The following DYSF variants were observed in gnomAD, a reference collection of about 807,000 sequenced individuals.
DYSF encodes dysferlin, also known as dystrophy-associated fer-1-like 1.
Under a neutral mutation model 274.9 loss-of-function variants are expected in DYSF, and 212 were observed. That is an observed-to-expected ratio of 0.77 (90% CI 0.69 to 0.86). DYSF has a LOEUF of 0.86. Among genes scored for constraint, DYSF ranks in the 40% least tolerant of loss-of-function variants. DYSF has a pLI of 0.00. For synonymous variants in DYSF, 1,091 were observed against 1,078.7 expected (o/e 1.01, Z -0.22); for missense variants, 2,666 against 2,783.2 (o/e 0.96, Z 0.95).
chr2:71,520,290 T>A, intron 11 of DYSF, 82 bp downstream of exon 11: 2 of 1,449,388 alleles, frequency 1.4e-6, no homozygotes, highest in Non-Finnish European at 1.9e-6. Context: ...GTCCTCACTG[T>A]CCCTCCTGGG....
At chr2:71,624,203 A>G (rs2094163366) in intron 41 of DYSF, among the ~76,000 whole-genome samples, 1 of 152,220 alleles carries the variant, frequency 6.6e-6, no homozygotes, top group Non-Finnish European at 1.5e-5. Context: ...AGTACAACCC[A>G]GCTCATCTTC....
intron 13 of DYSF, among the ~76,000 whole-genome samples, chr2:71,526,559 A>G (rs934721369): frequency 2.6e-5 from 4 of 152,208 alleles, no homozygotes; most frequent in Non-Finnish European, 4.4e-5. Context: ...CTCCATTCCA[A>G]TGTCCTCTGG....
intron 3 of DYSF, among the ~76,000 whole-genome samples, chr2:71,486,366 C>T (rs1399426234): frequency 1.3e-5 from 2 of 152,058 alleles, no homozygotes; most frequent in Admixed American, 6.5e-5. Flanking sequence ...CAGCCTGTCA[C>T]TCTGTCTCTG....
chr2:71,458,807 G>A (rs2081170816), intron 1 of DYSF, among the ~76,000 whole-genome samples: 1 of 152,136 alleles, frequency 6.6e-6, no homozygotes, highest in African/African-American at 2.4e-5. Flanking sequence ...TCCCAACACC[G>A]CTGCAAACTG....
chr2:71,662,908 G>T (rs1272694800), intron 45 of DYSF, among the ~76,000 whole-genome samples: 2 of 151,922 alleles, frequency 1.3e-5, no homozygotes, highest in Non-Finnish European at 2.9e-5. Flanking sequence ...TTGTGTGCCT[G>T]TGTGTGTATA....
intron 1 of DYSF, among the ~76,000 whole-genome samples, chr2:71,474,653 T>C (rs535962283): frequency 2.6e-5 from 4 of 152,306 alleles, no homozygotes; most frequent in South Asian, 4.1e-4. Context: ...GCAGCACCCA[T>C]GAGTGACCCC....
intron 42 of DYSF, among the ~76,000 whole-genome samples, chr2:71,655,549 A>G (rs969294268): frequency 6.6e-6 from 1 of 152,246 alleles, no homozygotes; most frequent in African/African-American, 2.4e-5. Context: ...GCTTTAACAA[A>G]TAATAATCAT....
intron 50 of DYSF, 121 bp from the exon 51 acceptor site, chr2:71,669,484 G>T: frequency 7.8e-7 from 1 of 1,285,856 alleles, no homozygotes; most frequent in Non-Finnish European, 1.1e-6. Context: ...CCGATTTCCT[G>T]GGAATTCTTT....
chr2:71,547,820 A>G (rs753572791), intron 17 of DYSF, among the ~76,000 whole-genome samples: 1 of 152,138 alleles, frequency 6.6e-6, no homozygotes, highest in African/African-American at 2.4e-5. Context: ...GTCTGCAGCC[A>G]GAATTCAAAA....
At chr2:71,471,094 C>A (rs2082004101) in intron 1 of DYSF, among the ~76,000 whole-genome samples, 1 of 152,162 alleles carries the variant, frequency 6.6e-6, no homozygotes. Flanking sequence ...CCCCGCCTAG[C>A]CTGTTTTCTT....
Position 71,535,004 on chromosome 2 carries a change from C to T in DYSF, c.1381-17C>T. 3 of 1,614,148 alleles carry T rather than the reference C, an allele frequency of 1.9e-6. No homozygotes were observed. Among genetic ancestry groups the T allele is most frequent in the Non-Finnish European group, 2.5e-6 (3 of 1,179,972 alleles). ...CCATGGAGCTTGATCAACTTGTCCC[C>T]TCCCTGTGTCTTCTAGCTGTGCAGC... On this transcript the variant is annotated splice_polypyrimidine_tract_variant and intron_variant, in intron 14 of 55. Coordinates refer to ENST00000410020, the MANE Select transcript of DYSF (RefSeq NM_001130987.2).
intron 3 of DYSF, among the ~76,000 whole-genome samples, chr2:71,486,084 A>G (rs1268046821): frequency 1.3e-5 from 2 of 152,062 alleles, no homozygotes; most frequent in Non-Finnish European, 2.9e-5. Flanking sequence ...GTGCCTTGCA[A>G]CTGTCCTCAG....
At chr2:71,668,144 G>A (rs1452998000) in intron 48 of DYSF, among the ~76,000 whole-genome samples, 1 of 152,162 alleles carries the variant, frequency 6.6e-6, no homozygotes, top group Non-Finnish European at 1.5e-5. Flanking sequence ...CCATGAGGAT[G>A]CCTTTGTGAA....
chr2:71,568,016 G>T lies in DYSF; in HGVS notation c.2631G>T (p.Gly877=), dbSNP rs1465061221. 1 of 1,614,138 alleles carries T rather than the reference G, an allele frequency of 6.2e-7. No homozygotes were observed. The highest frequency in any genetic ancestry group is 1.1e-5 in the South Asian group (1 of 91,076). Residue 877 remains glycine, a synonymous_variant, in exon 25 of 56, where the codon GGG becomes GGT. Coordinates refer to ENST00000410020, the MANE Select transcript of DYSF (RefSeq NM_001130987.2). ...AGATACGGGTCAAGCTGTGGTTTGG[G>T]CTCTCAGTGGATGAGAAGGAGTTCA... ...PVQIRVKLWF[G]LSVDEKEFNQ...
intron 42 of DYSF, among the ~76,000 whole-genome samples, chr2:71,645,331 G>C (rs2094550066): frequency 6.6e-6 from 1 of 152,112 alleles, no homozygotes; most frequent in Admixed American, 6.5e-5. Context: ...TTTTCCCCTG[G>C]AGTCGCGCTG....
At chr2:71,596,306 G>A (rs1328905914) in intron 32 of DYSF, among the ~76,000 whole-genome samples, 2 of 152,132 alleles carry the variant, frequency 1.3e-5, no homozygotes, top group East Asian at 1.9e-4. Flanking sequence ...CCAATACAGC[G>A]TGCACAGCCG....
At chr2:71,542,087 C>T (rs768375300) in intron 17 of DYSF, among the ~76,000 whole-genome samples, 7 of 152,170 alleles carry the variant, frequency 4.6e-5, no homozygotes, top group Non-Finnish European at 8.8e-5. Flanking sequence ...GGTTCAAATG[C>T]TCTTGGCTCT....
intron 3 of DYSF, among the ~76,000 whole-genome samples, chr2:71,499,497 A>C (rs531724775): frequency 6.6e-6 from 1 of 152,358 alleles, no homozygotes; most frequent in South Asian, 2.1e-4. Flanking sequence ...AAATAAATTG[A>C]CTTGGCCACC....
chr2:71,589,536 C>A (rs778472465), intron 30 of DYSF, 57 bp from the exon 31 acceptor site: 6 of 1,422,820 alleles, frequency 4.2e-6, no homozygotes, highest in Non-Finnish European at 6.0e-6. Context: ...GGGCTAGTCT[C>A]CCTGCCACCC....
Sources: allele counts gnomAD v4.1 joint callset (sites outside exome capture counted in the v4.1 genomes callset), GRCh38; gene constraint gnomAD v4.1.1; transcripts MANE v1.5; gene names NCBI Gene and HGNC (gene_info 2026-07-23, HGNC 2026-07-21).